GRIA1: variants seen among roughly 807,000 people sequenced by gnomAD.
GRIA1 encodes the protein glutamate receptor 1.
In GRIA1, 31 loss-of-function variants were observed where a neutral mutation model predicts 99.2. The observed-to-expected ratio is 0.31, with a 90% CI of 0.23 to 0.42. The LOEUF (loss-of-function observed/expected upper bound fraction) is 0.42. Ranked by LOEUF, GRIA1 falls within the 10% of genes least tolerant of loss-of-function variation. The pLI, the probability that GRIA1 is intolerant of heterozygous loss-of-function variation, is 1.00. For missense variants in GRIA1, 782 were observed against 1,157.5 expected (o/e 0.68, Z 4.71); for synonymous variants, 438 against 432.4 (o/e 1.01, Z -0.16).
chr5:153,765,675 G>C (rs997445732), intron 12 of GRIA1, among the ~76,000 whole-genome samples: 2 of 152,024 alleles, frequency 1.3e-5, no homozygotes, highest in African/African-American at 4.8e-5. Flanking sequence ...GTTTATCCCA[G>C]GAGTTGAAGA....
chr5:153,677,194 G>A (rs761926140), intron 7 of GRIA1, 33 bp downstream of exon 7: 2 of 1,381,050 alleles, frequency 1.4e-6, no homozygotes, highest in South Asian at 3.9e-5. Flanking sequence ...CATCTCATAG[G>A]AGCCTACTGG....
intron 2 of GRIA1, among the ~76,000 whole-genome samples, chr5:153,583,392 C>T (rs1763212978): frequency 6.6e-6 from 1 of 152,102 alleles, no homozygotes; most frequent in South Asian, 2.1e-4. Context: ...CTCTCTAAAA[C>T]CTGTAAGTGA....
chr5:153,595,665 A>G (rs545153120), intron 2 of GRIA1, among the ~76,000 whole-genome samples: 3 of 151,008 alleles, frequency 2.0e-5, no homozygotes, highest in Non-Finnish European at 4.4e-5. Flanking sequence ...CATTTCATTT[A>G]TTTTATTGCT....
At chr5:153,560,202 T>A (rs1488188295) in intron 2 of GRIA1, among the ~76,000 whole-genome samples, 1 of 152,198 alleles carries the variant, frequency 6.6e-6, no homozygotes, top group Non-Finnish European at 1.5e-5. Flanking sequence ...GTAGGAACAG[T>A]GTGCCAAGAG....
At chr5:153,808,765 C>T (rs902044441) in intron 15 of GRIA1, among the ~76,000 whole-genome samples, 1 of 152,208 alleles carries the variant, frequency 6.6e-6, no homozygotes. Flanking sequence ...TCCTGACTTT[C>T]ATAAATGTAT....
intron 8 of GRIA1, 83 bp downstream of exon 8, chr5:153,686,412 C>T (rs937333802): frequency 2.0e-5 from 19 of 935,606 alleles, no homozygotes; most frequent in East Asian, 1.5e-4. Flanking sequence ...TGTGAGTCCA[C>T]CTTTTCTGGA....
intron 2 of GRIA1, among the ~76,000 whole-genome samples, chr5:153,554,044 G>C (rs2149344721): frequency 6.6e-6 from 1 of 152,268 alleles, no homozygotes; most frequent in Admixed American, 6.5e-5. Context: ...TAGAAGAGCT[G>C]ATACATAGAG....
intron 11 of GRIA1, among the ~76,000 whole-genome samples, chr5:153,726,577 G>T (rs12659290): frequency 0.52 from 79,370 of 151,850 alleles, 21,656 homozygotes; most frequent in East Asian, 0.94. Flanking sequence ...CAATCCCACA[G>T]AAATACAAAC....
At chr5:153,494,700 A>G (rs796295361) in intron 2 of GRIA1, among the ~76,000 whole-genome samples, 18 of 152,296 alleles carry the variant, frequency 1.2e-4, no homozygotes, top group African/African-American at 4.1e-4. Flanking sequence ...ATCTGAATTG[A>G]ATGCATTGTA....
At chr5:153,757,900 C>T (rs576982550) in intron 11 of GRIA1, among the ~76,000 whole-genome samples, 2 of 152,158 alleles carry the variant, frequency 1.3e-5, no homozygotes, top group East Asian at 1.9e-4. Flanking sequence ...CAGACATTCA[C>T]AATATTCTAA....
At chr5:153,770,033 A>C (rs1763768136) in intron 12 of GRIA1, 135 bp from the exon 13 acceptor site, 1 of 817,350 alleles carries the variant, frequency 1.2e-6, no homozygotes, top group African/African-American at 1.7e-5. Context: ...TTTTGCAATC[A>C]CTCATAATTT....
At chr5:153,591,136 G>C (rs1044217781) in intron 2 of GRIA1, among the ~76,000 whole-genome samples, 14 of 152,312 alleles carry the variant, frequency 9.2e-5, no homozygotes, top group Admixed American at 6.5e-5. Flanking sequence ...GAGTGGAGAA[G>C]TCAGCTAGAT....
At chr5:153,766,966 T>G (rs546363442) in intron 12 of GRIA1, among the ~76,000 whole-genome samples, 20 of 152,172 alleles carry the variant, frequency 1.3e-4, no homozygotes, top group Non-Finnish European at 2.6e-4. Flanking sequence ...GGTGACAAAT[T>G]GGTTGTAGTC....
Position 153,705,387 on chromosome 5 carries a change from G to A in GRIA1, c.1453-310G>A, listed in dbSNP as rs146893822. On this transcript the variant is annotated intron_variant, in intron 10 of 15. Coordinates refer to ENST00000285900, the MANE Select transcript of GRIA1 (RefSeq NM_000827.4). ...GAATGGTTCTCCTGCCAGAGGAAGG[G>A]AGTGGGGCTGCTGAGCAGGCAAAAA... Among the ~76,000 whole-genome samples, 1,073 of 152,298 alleles carry A rather than the reference G, an allele frequency of 7.0e-3. 5 individuals carry two copies. Among genetic ancestry groups the A allele is most frequent in the Non-Finnish European group, 0.012 (798 of 68,036 alleles).
chr5:153,626,902 AGCT>A (rs1767683627), intron 2 of GRIA1, among the ~76,000 whole-genome samples: 2 of 152,196 alleles, frequency 1.3e-5, no homozygotes, highest in Admixed American at 1.3e-4. Context: ...TTTGAGCCCC[AGCT>A]TAGGTGATTG....
intron 11 of GRIA1, among the ~76,000 whole-genome samples, chr5:153,717,105 G>T (rs1474849061): frequency 1.3e-5 from 2 of 152,166 alleles, no homozygotes. Flanking sequence ...TTATGGTCTT[G>T]CTGATCCAAA....
intron 2 of GRIA1, among the ~76,000 whole-genome samples, chr5:153,533,396 G>C (rs1267913024): frequency 6.6e-6 from 1 of 151,972 alleles, no homozygotes; most frequent in Admixed American, 6.6e-5. Context: ...GAGGGACTGA[G>C]GGAGGACAAA....
intron 11 of GRIA1, among the ~76,000 whole-genome samples, chr5:153,729,729 C>A (rs1760873347): frequency 6.6e-6 from 1 of 152,028 alleles, no homozygotes; most frequent in Admixed American, 6.6e-5. Flanking sequence ...AAGACAAAAA[C>A]CCCCACACTC....
In GRIA1 at chr5:153,813,600, A is replaced by T. The variant is rs1426615209; in HGVS notation, c.*2375A>T. Reference sequence around the variant, plus strand: ...TTCTTAAAAATAGAGCATTGGGAAAACTCTGAAAGAGACTGACATTTTTCT... The same window carrying T: ...TTCTTAAAAATAGAGCATTGGGAAATCTCTGAAAGAGACTGACATTTTTCT... On this transcript the variant is annotated 3_prime_UTR_variant, in exon 16 of 16. Coordinates refer to ENST00000285900, the MANE Select transcript of GRIA1 (RefSeq NM_000827.4). The T allele has an allele frequency of 6.6e-6, 1 of 152,138 alleles. No homozygotes were observed. Among genetic ancestry groups the T allele is most frequent in the Non-Finnish European group, 1.5e-5 (1 of 68,026 alleles). The allele number at this position is 152,138 out of a possible 1,614,324, so 9.4% of individuals were successfully genotyped here.
Sources: allele counts gnomAD v4.1 joint callset (sites outside exome capture counted in the v4.1 genomes callset), GRCh38; gene constraint gnomAD v4.1.1; transcripts MANE v1.5; gene names NCBI Gene and HGNC (gene_info 2026-07-23, HGNC 2026-07-21).